The following STK38L variants were observed in gnomAD, a reference collection of about 807,000 sequenced individuals.
The protein encoded by STK38L is serine/threonine kinase 38 like, also known as serine/threonine-protein kinase 38-like.
In STK38L, 28 loss-of-function variants were observed where a neutral mutation model predicts 59.7. The observed-to-expected ratio is 0.47, with a 90% confidence interval of 0.35 to 0.64. The LOEUF (loss-of-function observed/expected upper bound fraction) is 0.64. Among genes scored for constraint, STK38L ranks in the 30% least tolerant of loss-of-function variants. STK38L has a pLI of 0.01. For synonymous variants in STK38L, 162 were observed against 176.8 expected (o/e 0.92, Z 0.66); for missense variants, 314 against 555.8 (o/e 0.56, Z 4.37).
intron 2 of STK38L, 26 bp downstream of exon 2, chr12:27,297,880 T>C (rs758403341): frequency 1.2e-6 from 2 of 1,611,546 alleles, no homozygotes; most frequent in South Asian, 2.2e-5. Context: ...ATCAAAACTT[T>C]TTTTAGTTAA....
chr12:27,300,543 T>A, intron 2 of STK38L: 1 of 456,068 alleles, frequency 2.2e-6, no homozygotes, highest in Non-Finnish European at 4.4e-6. Context: ...CTCTCTGGAT[T>A]CTTTCTGCAG....
intron 1 of STK38L, among the ~76,000 whole-genome samples, chr12:27,282,904 T>A (rs1943691418): frequency 1.3e-5 from 2 of 152,204 alleles, no homozygotes; most frequent in African/African-American, 4.8e-5. Flanking sequence ...GTTCAAAAGC[T>A]GGCTTCACCA....
At position 27,308,919 on chromosome 12, in the gene STK38L, A is replaced by T. The variant is rs567169357; in HGVS notation, c.310-195A>T. Among the ~76,000 whole-genome samples, 10 of 146,072 alleles carry T rather than the reference A, an allele frequency of 6.8e-5. No homozygotes were observed. The highest frequency in any genetic ancestry group is 2.1e-4 in the South Asian group (1 of 4,746). On this transcript the variant is annotated intron_variant, in intron 4 of 13. Transcript: ENST00000389032. This position sits in a 1 kb window ranked among gnomAD's most constrained non-coding sequence, Gnocchi z 4.5. ...ATATAAATATATATAAATATATATT[A>T]ATATATATAAAATATATATAAATAT... is the stretch of plus-strand genomic sequence containing the variant.
chr12:27,247,099 A>G (rs1418361083), intron 1 of STK38L, among the ~76,000 whole-genome samples: 1 of 152,272 alleles, frequency 6.6e-6, no homozygotes, highest in East Asian at 1.9e-4. Context: ...TGATCTAGTC[A>G]TATGATAATG....
intron 1 of STK38L, among the ~76,000 whole-genome samples, chr12:27,250,532 T>C (rs1029081190): frequency 1.2e-4 from 18 of 152,186 alleles, no homozygotes; most frequent in African/African-American, 3.9e-4. Context: ...TAACCACTTA[T>C]CCCTTACTAT....
intron 9 of STK38L, among the ~76,000 whole-genome samples, chr12:27,315,782 G>C (rs1944571308): frequency 6.6e-6 from 1 of 152,186 alleles, no homozygotes; most frequent in South Asian, 2.1e-4. Context: ...GGAAGTTTGG[G>C]ATGTAAACAG....
chr12:27,307,400 T>G (rs1944343698), intron 3 of STK38L, among the ~76,000 whole-genome samples: 1 of 152,224 alleles, frequency 6.6e-6, no homozygotes, highest in South Asian at 2.1e-4. Context: ...TAAAAACAGA[T>G]ATATACAGGA....
intron 2 of STK38L, chr12:27,298,066 G>T: frequency 2.1e-6 from 1 of 486,526 alleles, no homozygotes; most frequent in South Asian, 4.2e-5. Context: ...CTATATACCC[G>T]TATGACATGC....
chr12:27,267,351 G>A (rs1248501245), intron 1 of STK38L, among the ~76,000 whole-genome samples: 3 of 152,316 alleles, frequency 2.0e-5, no homozygotes, highest in Middle Eastern at 3.4e-3. Flanking sequence ...GGAGGCAGAA[G>A]TGGGAAGATA....
At chr12:27,270,205 G>T (rs933408253) in intron 1 of STK38L, among the ~76,000 whole-genome samples, 1 of 151,940 alleles carries the variant, frequency 6.6e-6, no homozygotes, top group Non-Finnish European at 1.5e-5. Flanking sequence ...AGATCCAAAT[G>T]AATCTTTTTT....
At chr12:27,272,458 G>A (rs984020010) in intron 1 of STK38L, among the ~76,000 whole-genome samples, 8 of 152,172 alleles carry the variant, frequency 5.3e-5, no homozygotes, top group South Asian at 2.1e-4. Flanking sequence ...CCTCAAGGAA[G>A]GACTGGGAAA....
chr12:27,287,754 C>T (rs907471142), intron 1 of STK38L, among the ~76,000 whole-genome samples: 2 of 152,036 alleles, frequency 1.3e-5, no homozygotes, highest in African/African-American at 4.8e-5. Context: ...GAATACTTGA[C>T]TTGATTTTTT....
chr12:27,315,930 TC>T (rs1944575076), intron 9 of STK38L, among the ~76,000 whole-genome samples: 2 of 152,294 alleles, frequency 1.3e-5, no homozygotes, highest in East Asian at 3.9e-4. Context: ...AAGAATTGCT[TC>T]CCCTTTCTCC....
In STK38L at chr12:27,325,349, T is replaced by C. The variant is rs1234429477; in HGVS notation, c.*2894T>C. On this transcript the variant is annotated 3_prime_UTR_variant, in exon 14 of 14. Coordinates refer to ENST00000389032, the MANE Select transcript of STK38L (RefSeq NM_015000.4). Reference sequence around the variant, plus strand: ...TTTTTCTGTTTTTTAAACACCTGCATATTTTTATGTAAATCTCTAAATTTA... The same window carrying C: ...TTTTTCTGTTTTTTAAACACCTGCACATTTTTATGTAAATCTCTAAATTTA... 6.6e-6 allele frequency: 1 copy of C among 152,190 alleles called. No homozygotes were observed. Among genetic ancestry groups the C allele is most frequent in the African/African-American group, 2.4e-5 (1 of 41,460 alleles). The allele number at this position is 152,190 out of a possible 1,614,324, so 9.4% of individuals were successfully genotyped here.
In STK38L at chr12:27,254,801, AG is replaced by A. The variant is rs538958609; in HGVS notation, c.-12+10474del. On this transcript the variant is annotated intron_variant, in intron 1 of 13. Coordinates refer to ENST00000389032, the MANE Select transcript of STK38L (RefSeq NM_015000.4). ...GTGGGGTGGTAGGGGAGGCACAGAG[AG>A]GGGGCGGGAGAAAAAGTACATATGG... 3.3e-4 allele frequency among the ~76,000 whole-genome samples: 50 copies of A among 152,106 alleles called. 1 individual carries two copies. The South Asian group carries it at 4.4e-3, about 13-fold the overall frequency.
At chr12:27,263,080 T>A (rs1304573467) in intron 1 of STK38L, among the ~76,000 whole-genome samples, 3 of 152,206 alleles carry the variant, frequency 2.0e-5, no homozygotes, top group Admixed American at 6.5e-5. Context: ...CGTAAGTCAC[T>A]GTGCCCAGCC....
intron 1 of STK38L, among the ~76,000 whole-genome samples, chr12:27,278,619 G>C (rs1332660107): frequency 6.6e-6 from 1 of 152,046 alleles, no homozygotes; most frequent in Non-Finnish European, 1.5e-5. Context: ...GTCTTTATTT[G>C]GTCACCCTGA....
chr12:27,261,879 C>T (rs913626206), intron 1 of STK38L, among the ~76,000 whole-genome samples: 3 of 152,100 alleles, frequency 2.0e-5, no homozygotes, highest in African/African-American at 4.8e-5. Context: ...TTACTATTTG[C>T]CAGATGTTGT....
At chr12:27,282,518 A>G (rs188242921) in intron 1 of STK38L, among the ~76,000 whole-genome samples, 1 of 151,532 alleles carries the variant, frequency 6.6e-6, no homozygotes. Context: ...GGAATGTATA[A>G]GCAAAACTAA....
Sources: gnomAD v4.1 joint callset for allele counts (sites outside exome capture counted in the v4.1 genomes callset) on GRCh38, gnomAD v4.1.1 for gene constraint, Gnocchi (gnomAD v3.1) non-coding constraint, MANE v1.5 for transcripts, NCBI Gene and HGNC (gene_info 2026-07-23, HGNC 2026-07-21) for gene names.